The following TNNI3K variants were observed in gnomAD, a reference collection of about 807,000 sequenced individuals.
The protein encoded by TNNI3K is TNNI3 interacting kinase, also known as serine/threonine-protein kinase TNNI3K.
A neutral mutation model predicts 114.5 loss-of-function variants in TNNI3K; 140 were observed. That is an observed-to-expected ratio of 1.22 (90% CI 1.07 to 1.41). The LOEUF (loss-of-function observed/expected upper bound fraction) is 1.41, where lower values mean the gene tolerates loss of function less well. Ranked by LOEUF, TNNI3K falls within the 40% of genes most tolerant of loss-of-function variation. TNNI3K has a pLI of 0.00. For missense variants in TNNI3K, 1,125 were observed against 1,007.6 expected, an observed-to-expected ratio of 1.12 and a Z score of -1.58; for synonymous variants, 347 against 347.5, an observed-to-expected ratio of 1.00 and a Z score of 0.02.
chr1:74,323,172 C>T (rs889108315), intron 5 of TNNI3K, among the ~76,000 whole-genome samples: 4 of 151,964 alleles, frequency 2.6e-5, no homozygotes, highest in Non-Finnish European at 5.9e-5. Context: ...CACTGAACAA[C>T]CTTTGAAAAG....
chr1:74,270,087 T>C (rs1335086340), intron 4 of TNNI3K, among the ~76,000 whole-genome samples: 3 of 151,836 alleles, frequency 2.0e-5, no homozygotes, highest in African/African-American at 7.2e-5. Flanking sequence ...AGGTCCTTAA[T>C]GCCTCAGGTG....
At chr1:74,446,062 G>A (rs1028473493) in intron 20 of TNNI3K, among the ~76,000 whole-genome samples, 33 of 151,914 alleles carry the variant, frequency 2.2e-4, no homozygotes, top group African/African-American at 7.2e-4. Flanking sequence ...CCCAGTAATG[G>A]GATGGCTGGG....
chr1:74,381,306 A>T (rs191582885), intron 17 of TNNI3K, among the ~76,000 whole-genome samples: 1 of 152,266 alleles, frequency 6.6e-6, no homozygotes, highest in South Asian at 2.1e-4. Context: ...TTTATTTAAC[A>T]TATCAGTTTT....
chr1:74,514,241 C>G (rs1221594395), intron 23 of TNNI3K, among the ~76,000 whole-genome samples: 1 of 152,120 alleles, frequency 6.6e-6, no homozygotes. Context: ...TACATTCTGA[C>G]CAAAATGCTA....
chr1:74,466,546 G>A (rs565780736), intron 21 of TNNI3K, among the ~76,000 whole-genome samples: 1 of 152,312 alleles, frequency 6.6e-6, no homozygotes, highest in Non-Finnish European at 1.5e-5. Flanking sequence ...TCAGCACGGA[G>A]TCTTTGTTCT....
intron 5 of TNNI3K, among the ~76,000 whole-genome samples, chr1:74,291,779 G>T (rs560715040): frequency 6.6e-6 from 1 of 151,452 alleles, no homozygotes; most frequent in South Asian, 2.1e-4. Flanking sequence ...AGGTTTGATG[G>T]TTTGCCTTCA....
rs560042810 is a variant in TNNI3K, at chr1:74,253,597, T to A, written c.333+2828T>A. 1.6e-4 allele frequency among the ~76,000 whole-genome samples: 25 copies of A among 152,078 alleles called. 1 individual carries two copies. The highest frequency in any genetic ancestry group is 1.2e-3 in the East Asian group (6 of 5,136). ...GCTGCTGGCCCGGGTGCTAATCCCC[T>A]CACTGCCCGGAGCCGGCAGGACTGG... On this transcript the variant is annotated intron_variant, in intron 4 of 24. Transcript: ENST00000326637.
intron 4 of TNNI3K, among the ~76,000 whole-genome samples, chr1:74,259,924 TA>T (rs1348891810): frequency 6.6e-6 from 1 of 152,236 alleles, no homozygotes; most frequent in South Asian, 2.1e-4. Flanking sequence ...TGTACATTTT[TA>T]AAAAAATCTC....
intron 21 of TNNI3K, chr1:74,480,730 C>T (rs1369207146): frequency 5.6e-6 from 4 of 717,478 alleles, no homozygotes; most frequent in Non-Finnish European, 1.0e-5. Context: ...CCAGTACCTG[C>T]AGGCTGTGAA....
intron 21 of TNNI3K, chr1:74,483,335 C>T (rs1668595150): frequency 2.8e-6 from 2 of 717,322 alleles, no homozygotes; most frequent in African/African-American, 1.7e-5. Context: ...GGCAAGCTGC[C>T]ACCAACCGCA....
chr1:74,399,226 A>C (rs1029635030), intron 17 of TNNI3K, among the ~76,000 whole-genome samples: 7 of 151,388 alleles, frequency 4.6e-5, no homozygotes, highest in Admixed American at 4.6e-4. Flanking sequence ...GTCTCCCAAT[A>C]GCACTCCTTA....
At chr1:74,307,992 AG>A (rs1658755585) in intron 5 of TNNI3K, among the ~76,000 whole-genome samples, 2 of 151,838 alleles carry the variant, frequency 1.3e-5, no homozygotes, top group African/African-American at 4.8e-5. Context: ...ATAATAGTGG[AG>A]GACTTCAACA....
Position 74,342,882 on chromosome 1 carries a change from C to T in TNNI3K, c.723C>T (p.Phe241=). ...ATGAAGACCATGTCCCACTCCATTT[C>T]TGTTCTCGATTTGGACACCATGATA... The part of the protein sequence containing the change: ...QDNEDHVPLH[F]CSRFGHHDIV... The change falls in exon 8 of 25, where the codon TTC becomes TTT. Residue 241 remains phenylalanine, a synonymous_variant. Transcript: ENST00000326637. 1 of 1,613,718 alleles carries T rather than the reference C, an allele frequency of 6.2e-7. No individual in the cohort carries two copies. Among genetic ancestry groups the T allele is most frequent in the Non-Finnish European group, 8.5e-7 (1 of 1,179,882 alleles).
chr1:74,487,499 C>G (rs1668827991), intron 21 of TNNI3K, among the ~76,000 whole-genome samples: 1 of 152,072 alleles, frequency 6.6e-6, no homozygotes, highest in Non-Finnish European at 1.5e-5. Flanking sequence ...TGAGACCAGG[C>G]AGAATGGATT....
At position 74,250,728 on chromosome 1, in the gene TNNI3K, A is replaced by G; in HGVS notation, c.292A>G (p.Thr98Ala). The G allele has an allele frequency of 6.2e-7, 1 of 1,613,448 alleles. No individual in the cohort carries two copies. Among genetic ancestry groups the G allele is most frequent in the Non-Finnish European group, 8.5e-7 (1 of 1,179,738 alleles). Residue 98 changes from threonine (T) to alanine (A), a missense_variant, in exon 4 of 25, where the codon ACA becomes GCA. Coordinates refer to ENST00000326637, the MANE Select transcript of TNNI3K (RefSeq NM_015978.3). ...MLKGLRPSRL[T>A]RNGFTALHLA... ...GAAAGGGCTCCGCCCATCTCGACTG[A>G]CAAGAAATGGATTTACAGCCTTGCA...
intron 17 of TNNI3K, among the ~76,000 whole-genome samples, chr1:74,376,024 A>T (rs1477448163): frequency 1.3e-5 from 2 of 151,954 alleles, no homozygotes; most frequent in Admixed American, 6.6e-5. Context: ...TCTAGTGGGT[A>T]TAAAGGAAAA....
chr1:74,311,871 T>C (rs976429607), intron 5 of TNNI3K, among the ~76,000 whole-genome samples: 1 of 152,242 alleles, frequency 6.6e-6, no homozygotes, highest in African/African-American at 2.4e-5. Flanking sequence ...GTGAAATAAT[T>C]TACAAACTTT....
At chr1:74,329,388 C>T (rs1271908989) in intron 5 of TNNI3K, among the ~76,000 whole-genome samples, 3 of 152,030 alleles carry the variant, frequency 2.0e-5, no homozygotes, top group Non-Finnish European at 4.4e-5. Context: ...AATGTGTATT[C>T]TCCTGATCAT....
intron 11 of TNNI3K, among the ~76,000 whole-genome samples, chr1:74,359,019 G>A (rs1661811755): frequency 6.6e-6 from 1 of 151,892 alleles, no homozygotes; most frequent in African/African-American, 2.4e-5. Flanking sequence ...ACTTAGGGCT[G>A]CTAAGTCACA....
Sources: gnomAD v4.1 joint callset for allele counts (sites outside exome capture counted in the v4.1 genomes callset) on GRCh38, gnomAD v4.1.1 for gene constraint, MANE v1.5 for transcripts, NCBI Gene and HGNC (gene_info 2026-07-23, HGNC 2026-07-21) for gene names.